The following PRDM2 variants were observed in gnomAD, a reference collection of about 807,000 sequenced individuals.
PRDM2 encodes the protein PR domain zinc finger protein 2.
Under a neutral mutation model 130.0 loss-of-function variants are expected in PRDM2, and 30 were observed. The ratio of observed to expected loss-of-function variants is 0.23; its 90% confidence interval spans 0.17 to 0.31. The LOEUF is 0.31. Ranked by LOEUF, PRDM2 falls within the 10% of genes least tolerant of loss-of-function variation. The pLI, the probability that PRDM2 is intolerant of heterozygous loss-of-function variation, is 1.00. For missense variants in PRDM2, 2,011 were observed against 2,108.4 expected (o/e 0.95, Z 0.90); for synonymous variants, 871 against 782.4 (o/e 1.11, Z -1.89).
At chr1:13,813,277 C>T (rs1288774041) in intron 8 of PRDM2, among the ~76,000 whole-genome samples, 1 of 152,188 alleles carries the variant, frequency 6.6e-6, no homozygotes, top group Non-Finnish European at 1.5e-5. Flanking sequence ...TCATGAGGCT[C>T]TGCGCTAACT....
intron 2 of PRDM2, among the ~76,000 whole-genome samples, chr1:13,720,135 C>A (rs1408443446): frequency 1.3e-5 from 2 of 152,070 alleles, no homozygotes; most frequent in African/African-American, 4.8e-5. Flanking sequence ...ATTCTCTGGG[C>A]AAAGCATGTA....
intron 6 of PRDM2, among the ~76,000 whole-genome samples, chr1:13,757,358 T>C (rs1443344397): frequency 1.3e-5 from 2 of 152,268 alleles, no homozygotes; most frequent in Non-Finnish European, 2.9e-5. Context: ...TATATTATTT[T>C]GGCATTAGTT....
At chr1:13,773,238 T>TTCA in intron 7 of PRDM2, 50 bp downstream of exon 7, 1 of 1,079,784 alleles carries the variant, frequency 9.3e-7, no homozygotes, top group Non-Finnish European at 1.3e-6. Flanking sequence ...ATGTACCCAG[T>TTCA]GAATTTAACT....
In PRDM2 at chr1:13,739,764, A is replaced by T. The variant is rs566884699; in HGVS notation, c.232-2241A>T. Among the ~76,000 whole-genome samples, 177 of 151,822 alleles carry T rather than the reference A, an allele frequency of 1.2e-3. 3 individuals are homozygous for T. In the South Asian group the frequency reaches 0.036, roughly 31 times the overall value. On this transcript the variant is annotated intron_variant, in intron 4 of 9. Transcript: ENST00000311066. Reference sequence around the variant, plus strand: ...GCTGGTTAGTCTGTGTATATTTTAAATATATATATATATTTTTGGTCAGGT... The same window carrying T: ...GCTGGTTAGTCTGTGTATATTTTAATTATATATATATATTTTTGGTCAGGT...
intron 1 of PRDM2, among the ~76,000 whole-genome samples, chr1:13,713,774 G>A (rs78955425): frequency 0.01 from 1,574 of 152,310 alleles, 10 homozygotes; most frequent in Middle Eastern, 0.027. Context: ...GGGCCACCAC[G>A]TGGAACTGGA....
intron 5 of PRDM2, 120 bp from the exon 6 acceptor site, chr1:13,749,241 G>T (rs1475537268): frequency 1.0e-6 from 1 of 962,472 alleles, no homozygotes; most frequent in Non-Finnish European, 1.3e-6. Flanking sequence ...GGGTGCGCGC[G>T]GCGCCGCCGA....
At chr1:13,765,710 C>G (rs958364714) in intron 6 of PRDM2, among the ~76,000 whole-genome samples, 2 of 152,206 alleles carry the variant, frequency 1.3e-5, no homozygotes, top group Non-Finnish European at 1.5e-5. Context: ...CGTGTTCTGC[C>G]TGCCTCGGCC....
In PRDM2 at chr1:13,715,573, G is replaced by A; in HGVS notation, c.-33G>A. On this transcript the variant is annotated 5_prime_UTR_variant, in exon 2 of 10. In the 5' UTR this introduces an upstream ATG that the reference lacks. Transcript: ENST00000311066. ...GTAATCAAAGAAGTTTCTTTGTTGT[G>A]TGTATCTTTACAGAACACAACAGGA... The A allele has an allele frequency of 6.5e-7, 1 of 1,549,904 alleles. No individual in the cohort carries two copies. The highest frequency in any genetic ancestry group is 8.7e-7 in the Non-Finnish European group (1 of 1,150,808).
intron 4 of PRDM2, among the ~76,000 whole-genome samples, chr1:13,741,543 C>T (rs1643440974): frequency 6.6e-6 from 1 of 152,110 alleles, no homozygotes; most frequent in South Asian, 2.1e-4. Context: ...GGGCCAGGTG[C>T]CATACTCGAT....
intron 6 of PRDM2, among the ~76,000 whole-genome samples, chr1:13,758,723 G>A (rs997090996): frequency 5.3e-5 from 8 of 152,244 alleles, no homozygotes; most frequent in African/African-American, 1.9e-4. Context: ...GTAGCTGCTT[G>A]CTATTCCTGC....
intron 6 of PRDM2, among the ~76,000 whole-genome samples, chr1:13,770,517 C>A (rs894600103): frequency 2.0e-5 from 3 of 151,676 alleles, no homozygotes; most frequent in Non-Finnish European, 4.4e-5. Context: ...GTAGAAAAAT[C>A]TTTGCATTTT....
chr1:13,763,554 T>TA (rs1644154230), intron 6 of PRDM2, among the ~76,000 whole-genome samples: 1 of 152,214 alleles, frequency 6.6e-6, no homozygotes, highest in Admixed American at 6.5e-5. Flanking sequence ...GAGAAACACT[T>TA]GAGCAGTACT....
chr1:13,787,784 T>C, intron 8 of PRDM2: 1 of 981,090 alleles, frequency 1.0e-6, no homozygotes, highest in South Asian at 4.7e-5. Context: ...TTGCTTCTTT[T>C]TGGAGAGTGC....
At chr1:13,745,890 A>AT (rs142198627) in intron 5 of PRDM2, among the ~76,000 whole-genome samples, 14,940 of 152,078 alleles carry the variant, frequency 0.098, 946 homozygotes, top group Admixed American at 0.22. Flanking sequence ...CTGACCTATG[A>AT]TTTTTTAAAA....
rs1341513513 is a variant in PRDM2 at position 13,778,653 on chromosome 1, T to C, written c.858T>C (p.Asp286=). 2 of 1,613,530 alleles carry C rather than the reference T, an allele frequency of 1.2e-6. No individual in the cohort carries two copies. Among genetic ancestry groups the C allele is most frequent in the African/African-American group, 1.3e-5 (1 of 74,904 alleles). ...EDEEEEEDDD[D]DELEDEGEEE... is the part of the protein sequence containing the mutation. ...AAGAAGAAGAAGAAGATGATGATGA[T>C]GATGAGTTGGAAGACGAGGGGGAAG... Residue 286 remains aspartate, a synonymous_variant, in exon 8 of 10, where the codon GAT becomes GAC. Transcript: ENST00000311066.
rs750133975 is a variant in PRDM2 at position 13,742,025 on chromosome 1, A to G, written c.252A>G (p.Gly84=). The change falls in exon 5 of 10, where the codon GGA becomes GGG. Residue 84 remains glycine, a synonymous_variant. Transcript: ENST00000311066. ...TCAAGGTGTATTACCCAAATTTGGG[A>G]TGGATGTGCATTGATGCCACTGATC... The part of the protein sequence containing the change: ...YMWEVYYPNL[G]WMCIDATDPE... 4.4e-6 allele frequency: 7 copies of G among 1,579,522 alleles called. No individual in the cohort carries two copies. The East Asian group carries it at 1.3e-4, about 30-fold the overall frequency.
intron 2 of PRDM2, among the ~76,000 whole-genome samples, chr1:13,718,854 G>A (rs527629204): frequency 6.6e-6 from 1 of 152,152 alleles, no homozygotes; most frequent in South Asian, 2.1e-4. Context: ...ATGTTCCACT[G>A]TTTTCCTTCT....
chr1:13,715,995 C>T (rs1291678512), intron 2 of PRDM2, among the ~76,000 whole-genome samples: 1 of 152,126 alleles, frequency 6.6e-6, no homozygotes, highest in Non-Finnish European at 1.5e-5. Context: ...AAGACACATG[C>T]ACACGTATGT....
rs532637638 is a variant in PRDM2, at chr1:13,782,890, G to C, written c.5036+59G>C. 1.9e-6 allele frequency: 3 copies of C among 1,596,708 alleles called. No individual in the cohort carries two copies. In the South Asian group the frequency reaches 3.3e-5, roughly 18 times the overall value. The stretch of plus-strand genomic sequence containing the variant: ...GGAAGGCGACAGTATCCTTGCCTAC[G>C]GGTGTTTTTTGGTTTCTTGTTGCTT... On this transcript the variant is annotated intron_variant, in intron 8 of 9. Transcript: ENST00000311066.
Sources: allele counts gnomAD v4.1 joint callset (sites outside exome capture counted in the v4.1 genomes callset), GRCh38; gene constraint gnomAD v4.1.1; transcripts MANE v1.5; gene names NCBI Gene and HGNC (gene_info 2026-07-23, HGNC 2026-07-21).